Variants in PCDHA13 observed in about 807,000 individuals in gnomAD.
PCDHA13 encodes the protein protocadherin alpha-13.
PCDHA13 carries 54 observed loss-of-function variants against 64.8 expected under a neutral mutation model. The observed-to-expected ratio is 0.83, with a 90% CI of 0.67 to 1.04. The LOEUF is 1.04. Among genes scored for constraint, PCDHA13 ranks in the 50% least tolerant of loss-of-function variants. The pLI is 0.00. For missense variants in PCDHA13, 1,248 were observed against 1,254.3 expected (o/e 0.99, Z 0.08); for synonymous variants, 587 against 564.4 (o/e 1.04, Z -0.57).
At chr5:140,913,028 T>C (rs1483903035) in intron 1 of PCDHA13, among the ~76,000 whole-genome samples, 1 of 152,232 alleles carries the variant, frequency 6.6e-6, no homozygotes, top group Non-Finnish European at 1.5e-5. Flanking sequence ...TCAATATTCA[T>C]CAGATATATT....
rs781895204 is a variant in PCDHA13, at chr5:140,883,927, G to A, written c.1659G>A (p.Val553=). Residue 553 remains valine (V), a synonymous_variant, in exon 1 of 4, where the codon GTG becomes GTA. Coordinates refer to ENST00000289272, the MANE Select transcript of PCDHA13 (RefSeq NM_018904.3). ...PPLGSNVTLQ[V]FVLDENDNAP... The stretch of plus-strand genomic sequence containing the variant: ...TGGGCAGCAACGTGACGCTGCAGGT[G>A]TTCGTGCTGGACGAGAACGACAACG... 1.2e-6 allele frequency: 2 copies of A among 1,613,456 alleles called. No homozygotes were observed. Among genetic ancestry groups the A allele is most frequent in the South Asian group, 1.1e-5 (1 of 91,074 alleles).
intron 1 of PCDHA13, among the ~76,000 whole-genome samples, chr5:140,937,282 C>T (rs2091446146): frequency 6.6e-6 from 1 of 152,060 alleles, no homozygotes; most frequent in Admixed American, 6.6e-5. Context: ...CGTGATTCAC[C>T]CGCTTCGGCC....
intron 1 of PCDHA13, among the ~76,000 whole-genome samples, chr5:140,976,765 C>T (rs1483381591): frequency 6.6e-6 from 1 of 152,172 alleles, no homozygotes; most frequent in Non-Finnish European, 1.5e-5. Context: ...CAGAAGCCTG[C>T]TAGACTCTGA....
At chr5:140,969,733 T>C (rs1299165103) in intron 1 of PCDHA13, among the ~76,000 whole-genome samples, 1 of 152,242 alleles carries the variant, frequency 6.6e-6, no homozygotes, top group Non-Finnish European at 1.5e-5. Context: ...TTTGAAATCC[T>C]ATATGAGTGA....
chr5:140,889,205 A>G (rs573455914), intron 1 of PCDHA13, among the ~76,000 whole-genome samples: 1 of 151,946 alleles, frequency 6.6e-6, no homozygotes, highest in East Asian at 2.0e-4. Context: ...TGAATACTTA[A>G]CAAAGAAGAA....
chr5:140,931,136 C>T (rs2087318079), intron 1 of PCDHA13, among the ~76,000 whole-genome samples: 1 of 152,166 alleles, frequency 6.6e-6, no homozygotes, highest in African/African-American at 2.4e-5. Context: ...GTGATATTTG[C>T]AGTGGATACT....
chr5:140,908,455 A>G (rs1425485479), intron 1 of PCDHA13, among the ~76,000 whole-genome samples: 7 of 152,178 alleles, frequency 4.6e-5, no homozygotes, highest in South Asian at 4.1e-4. Flanking sequence ...GGCTAGATGG[A>G]TCAGAAAGCA....
At chr5:140,940,199 A>G (rs1253658459) in intron 1 of PCDHA13, among the ~76,000 whole-genome samples, 2 of 152,136 alleles carry the variant, frequency 1.3e-5, no homozygotes, top group Non-Finnish European at 2.9e-5. Flanking sequence ...CATGGGTGTA[A>G]AATTCAAGAT....
chr5:140,913,384 C>G (rs1018271300), intron 1 of PCDHA13, among the ~76,000 whole-genome samples: 1 of 152,144 alleles, frequency 6.6e-6, no homozygotes, highest in Non-Finnish European at 1.5e-5. Flanking sequence ...AGTGGCTCAT[C>G]ATAGCCACTA....
At chr5:140,922,068 A>C (rs1554200634) in intron 1 of PCDHA13, among the ~76,000 whole-genome samples, 1 of 152,196 alleles carries the variant, frequency 6.6e-6, no homozygotes, top group African/African-American at 2.4e-5. Context: ...TAGCAATCCC[A>C]CTAAGCAAAA....
intron 3 of PCDHA13, among the ~76,000 whole-genome samples, chr5:141,005,659 G>T (rs963015988): frequency 1.6e-5 from 2 of 123,890 alleles, no homozygotes; most frequent in South Asian, 2.6e-4. Flanking sequence ...TCGAGATCGC[G>T]CCACTGCACT....
In PCDHA13 at chr5:141,010,220, C is replaced by T. The variant is rs114341618; in HGVS notation, c.*283C>T. ...CTCCTCCGCCGCAAAGGAGAGGCTT[C>T]CCAGCCCCGCCAGTGAGAGGTTGGA... On this transcript the variant is annotated 3_prime_UTR_variant, in exon 4 of 4. Coordinates refer to ENST00000289272, the MANE Select transcript of PCDHA13 (RefSeq NM_018904.3). 2,711 of 1,551,728 alleles carry T rather than the reference C, an allele frequency of 1.7e-3. 46 individuals are homozygous for T. The African/African-American group carries it at 0.034, about 19-fold the overall frequency.
intron 3 of PCDHA13, among the ~76,000 whole-genome samples, chr5:140,996,923 A>G (rs1385919756): frequency 6.6e-6 from 1 of 152,230 alleles, no homozygotes; most frequent in Non-Finnish European, 1.5e-5. Flanking sequence ...ATATTAAAAA[A>G]TATAGCATTT....
chr5:140,920,747 G>A (rs565649077), intron 1 of PCDHA13, among the ~76,000 whole-genome samples: 10 of 152,052 alleles, frequency 6.6e-5, no homozygotes, highest in African/African-American at 2.4e-4. Context: ...AGGAGGCTGA[G>A]GCAGGAGAAT....
At chr5:140,927,946 G>T (rs1341193072) in intron 1 of PCDHA13, 1 of 1,614,096 alleles carries the variant, frequency 6.2e-7, no homozygotes, top group African/African-American at 1.3e-5. Context: ...AGTACCTGAG[G>T]ACGCTGCCCC....
rs782212623 is a variant in PCDHA13 at position 140,927,250 on chromosome 5, A to G, written c.2394+42588A>G. On this transcript the variant is annotated intron_variant, in intron 1 of 3. Coordinates refer to ENST00000289272, the MANE Select transcript of PCDHA13 (RefSeq NM_018904.3). ...GATTCACGTCCTGGACACCAATGACAACTCACCTCTCTTTCCTGCCGGCGA... is the reference window on the plus strand; with the variant it reads ...GATTCACGTCCTGGACACCAATGACGACTCACCTCTCTTTCCTGCCGGCGA... 1.9e-6 allele frequency: 3 copies of G among 1,614,046 alleles called. 1 individual carries two copies. The highest frequency in any genetic ancestry group is 2.5e-6 in the Non-Finnish European group (3 of 1,180,004).
At chr5:140,966,751 G>A (rs1554228608) in intron 1 of PCDHA13, 1 of 1,429,674 alleles carries the variant, frequency 7.0e-7, no homozygotes, top group Admixed American at 2.7e-5. Flanking sequence ...GGCTGCCTCC[G>A]CCGCGGCCAG....
chr5:140,990,822 C>G (rs1273714328), intron 3 of PCDHA13, among the ~76,000 whole-genome samples: 1 of 152,204 alleles, frequency 6.6e-6, no homozygotes. Flanking sequence ...CTTCTCTCAG[C>G]TAAAGCCTAT....
At chr5:140,928,851 T>G (rs1554206396) in intron 1 of PCDHA13, 1 of 1,614,192 alleles carries the variant, frequency 6.2e-7, no homozygotes, top group Non-Finnish European at 8.5e-7. Flanking sequence ...TCACTCTGGG[T>G]GTGCTGTTGA....
Sources: gnomAD v4.1 joint callset for allele counts (sites outside exome capture counted in the v4.1 genomes callset) on GRCh38, gnomAD v4.1.1 for gene constraint, MANE v1.5 for transcripts, NCBI Gene and HGNC (gene_info 2026-07-23, HGNC 2026-07-21) for gene names.